The following KAZN variants were observed in gnomAD, a reference collection of about 807,000 sequenced individuals.
KAZN encodes the protein kazrin, periplakin interacting protein.
A neutral mutation model predicts 87.4 loss-of-function variants in KAZN; 40 were observed. The ratio of observed to expected loss-of-function variants is 0.46; its 90% CI spans 0.36 to 0.60. The LOEUF (loss-of-function observed/expected upper bound fraction) is 0.60. Ranked by LOEUF, KAZN falls within the 20% of genes least tolerant of loss-of-function variation. The pLI is 0.00. For synonymous variants in KAZN, 466 were observed against 458.3 expected (o/e 1.02, Z -0.22); for missense variants, 898 against 1,073.9 (o/e 0.84, Z 2.29).
intron 1 of KAZN, among the ~76,000 whole-genome samples, chr1:14,731,537 C>T (rs1442314373): frequency 2.0e-5 from 3 of 152,212 alleles, no homozygotes; most frequent in Non-Finnish European, 4.4e-5. Context: ...GCTTCTGGGT[C>T]GGCACTGAGC....
At chr1:13,971,252 C>A (rs1480893398) in intron 1 of KAZN, among the ~76,000 whole-genome samples, 1 of 152,296 alleles carries the variant, frequency 6.6e-6, no homozygotes, top group South Asian at 2.1e-4. Context: ...TAAAAGAGAG[C>A]AAGTGGAACT....
chr1:15,032,756 C>T (rs1671856537), intron 2 of KAZN, among the ~76,000 whole-genome samples: 1 of 151,930 alleles, frequency 6.6e-6, no homozygotes, highest in South Asian at 2.1e-4. Flanking sequence ...CGAGACCAGC[C>T]TGGCCAACAT....
intron 2 of KAZN, among the ~76,000 whole-genome samples, chr1:14,418,634 C>T (rs528343360): frequency 3.3e-5 from 5 of 152,208 alleles, no homozygotes; most frequent in Non-Finnish European, 5.9e-5. Context: ...TCTGATTTTC[C>T]TAGTCAGAGG....
intron 2 of KAZN, among the ~76,000 whole-genome samples, chr1:14,441,140 C>G (rs1411660704): frequency 6.6e-6 from 1 of 152,102 alleles, no homozygotes; most frequent in African/African-American, 2.4e-5. Context: ...ATCTTCAGCT[C>G]TTAATGATTG....
intron 2 of KAZN, among the ~76,000 whole-genome samples, chr1:14,419,870 C>T (rs1292095297): frequency 1.3e-5 from 2 of 150,862 alleles, no homozygotes; most frequent in African/African-American, 2.5e-5. Flanking sequence ...TATTACAGCT[C>T]GCACAGACAG....
chr1:14,053,403 A>G (rs1642422278), intron 1 of KAZN, among the ~76,000 whole-genome samples: 1 of 152,156 alleles, frequency 6.6e-6, no homozygotes, highest in South Asian at 2.1e-4. Flanking sequence ...CAGCTAAGCC[A>G]CACCTGGACT....
At chr1:13,934,712 G>A (rs1640654711) in intron 1 of KAZN, among the ~76,000 whole-genome samples, 1 of 152,148 alleles carries the variant, frequency 6.6e-6, no homozygotes, top group Non-Finnish European at 1.5e-5. Flanking sequence ...CCCAAAGTTG[G>A]AAGGGGTTCC....
chr1:14,876,352 G>A (rs1361780950), intron 1 of KAZN, among the ~76,000 whole-genome samples: 1 of 152,214 alleles, frequency 6.6e-6, no homozygotes, highest in Admixed American at 6.5e-5. Flanking sequence ...GCTGCTGTGG[G>A]CTCATTATTA....
intron 1 of KAZN, among the ~76,000 whole-genome samples, chr1:13,922,431 G>C (rs918653995): frequency 2.6e-5 from 4 of 152,052 alleles, no homozygotes; most frequent in African/African-American, 9.7e-5. Context: ...GTTTCCTATT[G>C]GAAATCCCTT....
At chr1:13,946,856 G>C (rs1377063121) in intron 1 of KAZN, among the ~76,000 whole-genome samples, 6 of 151,802 alleles carry the variant, frequency 4.0e-5, no homozygotes, top group Non-Finnish European at 7.4e-5. Context: ...TGTGGCTGCT[G>C]TTACGAATGA....
intron 1 of KAZN, among the ~76,000 whole-genome samples, chr1:14,104,423 A>G (rs569078459): frequency 6.6e-6 from 1 of 152,258 alleles, no homozygotes; most frequent in South Asian, 2.1e-4. Context: ...TTTTTTTTAA[A>G]GGTTTCCTGC....
At chr1:14,635,140 G>A (rs1030658092) in intron 1 of KAZN, among the ~76,000 whole-genome samples, 3 of 152,336 alleles carry the variant, frequency 2.0e-5, no homozygotes, top group African/African-American at 7.2e-5. Context: ...TTCAGTGAAC[G>A]TGAGCTTTGC....
chr1:15,017,811 A>T (rs1340367240), intron 2 of KAZN, among the ~76,000 whole-genome samples: 1 of 152,124 alleles, frequency 6.6e-6, no homozygotes, highest in East Asian at 1.9e-4. Flanking sequence ...TCTCAAAAAA[A>T]AAAAGCCTTA....
At chr1:14,906,382 T>G (rs1656587206) in intron 1 of KAZN, among the ~76,000 whole-genome samples, 1 of 151,998 alleles carries the variant, frequency 6.6e-6, no homozygotes, top group African/African-American at 2.4e-5. Context: ...TGGAGTTGCT[T>G]AAATGAATGT....
At chr1:14,950,690 C>T (rs963541172) in intron 1 of KAZN, among the ~76,000 whole-genome samples, 8 of 152,100 alleles carry the variant, frequency 5.3e-5, no homozygotes, top group South Asian at 2.1e-4. Context: ...GTGGCTGCTG[C>T]GGCGGCCCTG....
At chr1:14,163,002 T>G (rs913913072) in intron 1 of KAZN, among the ~76,000 whole-genome samples, 1 of 152,132 alleles carries the variant, frequency 6.6e-6, no homozygotes, top group Non-Finnish European at 1.5e-5. Context: ...TCCTTTAGCT[T>G]ATCTCTCTTC....
intron 1 of KAZN, among the ~76,000 whole-genome samples, chr1:14,104,853 C>T (rs1644333413): frequency 6.6e-6 from 1 of 152,168 alleles, no homozygotes; most frequent in South Asian, 2.1e-4. Flanking sequence ...TATTTATCTA[C>T]ATCCGTTTTT....
At chr1:14,710,978 G>A (rs1260635127) in intron 1 of KAZN, among the ~76,000 whole-genome samples, 1 of 152,138 alleles carries the variant, frequency 6.6e-6, no homozygotes, top group Non-Finnish European at 1.5e-5. Flanking sequence ...GAGGCCAGGA[G>A]TTCAAGACCA....
chr1:14,600,634 G>A (rs1469974143), intron 1 of KAZN, among the ~76,000 whole-genome samples: 1 of 142,664 alleles, frequency 7.0e-6, no homozygotes, highest in East Asian at 2.1e-4. Context: ...ATGTCATTGT[G>A]TGCGAAAGAA....
Sources: allele counts gnomAD v4.1 joint callset (sites outside exome capture counted in the v4.1 genomes callset), GRCh38; gene constraint gnomAD v4.1.1; transcripts MANE v1.5; gene names NCBI Gene and HGNC (gene_info 2026-07-23, HGNC 2026-07-21).